TLN2: variants seen among roughly 807,000 people sequenced by gnomAD.
The protein encoded by TLN2 is talin 2, also known as talin-2.
A neutral mutation model predicts 294.7 loss-of-function variants in TLN2; 118 were observed. The ratio of observed to expected loss-of-function variants is 0.40; its 90% CI spans 0.34 to 0.47. The LOEUF (loss-of-function observed/expected upper bound fraction) is 0.47, where lower values mean the gene tolerates loss of function less well. TLN2 is among the 20% of genes least tolerant of loss of function. The pLI is 0.84. For missense variants in TLN2, 3,083 were observed against 3,282.2 expected (o/e 0.94, Z 1.48); for synonymous variants, 1,431 against 1,304.5 (o/e 1.10, Z -2.09).
chr15:62,401,315 G>A (rs1337973232), intron 1 of TLN2, among the ~76,000 whole-genome samples: 2 of 152,016 alleles, frequency 1.3e-5, no homozygotes, highest in African/African-American at 4.8e-5. Context: ...TTAGAGACAG[G>A]GTCTCGCTCT....
chr15:62,652,623 C>T (rs1007757051), intron 6 of TLN2, among the ~76,000 whole-genome samples: 1 of 152,160 alleles, frequency 6.6e-6, no homozygotes, highest in Admixed American at 6.5e-5. Flanking sequence ...CAAAGGAAGC[C>T]TAGTTCCTTC....
At chr15:62,549,475 G>GCTATGCATCCAT (rs1555427547) in intron 1 of TLN2, among the ~76,000 whole-genome samples, 1 of 125,212 alleles carries the variant, frequency 8.0e-6, no homozygotes, top group Admixed American at 8.6e-5. Flanking sequence ...TGCCATGCAT[G>GCTATGCATCCAT]CCATGCATCC....
At chr15:62,736,702 G>C (rs565144803) in intron 28 of TLN2, among the ~76,000 whole-genome samples, 176 bp from the exon 29 acceptor site, 2 of 152,326 alleles carry the variant, frequency 1.3e-5, no homozygotes, top group East Asian at 3.9e-4. Flanking sequence ...CCCAGAGCCA[G>C]GGGGATATGT....
At chr15:62,741,821 A>G (rs1337160674) in intron 32 of TLN2, among the ~76,000 whole-genome samples, 1 of 145,186 alleles carries the variant, frequency 6.9e-6, no homozygotes, top group East Asian at 2.1e-4. Context: ...GTCGGCATCA[A>G]GAGACCTGAA....
chr15:62,633,547 C>G (rs1391793232), intron 3 of TLN2, among the ~76,000 whole-genome samples: 1 of 152,216 alleles, frequency 6.6e-6, no homozygotes, highest in Admixed American at 6.5e-5. Context: ...TCAAGCAATC[C>G]TCCCACCCCA....
Position 62,686,649 on chromosome 15 carries a change from G to A in TLN2, c.966G>A (p.Met322Ile). The A allele has an allele frequency of 6.2e-7, 1 of 1,612,706 alleles. No individual in the cohort carries two copies. Among genetic ancestry groups the A allele is most frequent in the Non-Finnish European group, 8.5e-7 (1 of 1,179,368 alleles). Residue 322 changes from methionine to isoleucine, a missense_variant, in exon 12 of 59, where the codon ATG (methionine) becomes ATA (isoleucine). By Grantham distance (10) the Met-to-Ile change is conservative (BLOSUM62 1). Transcript: ENST00000636159. ...GVSFFLVKEK[M>I]KGKNKLVPRL... ...GGTATCTCCTGTTTCAGGAGAAGAT[G>A]AAAGGCAAGAACAAGCTGGTGCCTC...
At chr15:62,622,307 A>AGT (rs1038255369) in intron 3 of TLN2, among the ~76,000 whole-genome samples, 2 of 152,062 alleles carry the variant, frequency 1.3e-5, no homozygotes, top group African/African-American at 4.8e-5. Flanking sequence ...AAAGGGTGTG[A>AGT]GTGTGTGTGT....
intron 17 of TLN2, 99 bp downstream of exon 17, chr15:62,701,313 T>C: frequency 2.0e-6 from 2 of 1,013,278 alleles, no homozygotes; most frequent in Non-Finnish European, 2.9e-6. Context: ...ATTGAAACAA[T>C]AGACTTTATA....
At chr15:62,429,746 A>G (rs2034914395) in intron 1 of TLN2, among the ~76,000 whole-genome samples, 1 of 152,208 alleles carries the variant, frequency 6.6e-6, no homozygotes, top group Admixed American at 6.5e-5. Context: ...AGGCACACCA[A>G]TATCAGAAAT....
At chr15:62,525,958 A>G (rs1001427637) in intron 1 of TLN2, among the ~76,000 whole-genome samples, 10 of 152,290 alleles carry the variant, frequency 6.6e-5, no homozygotes, top group African/African-American at 2.2e-4. Context: ...AGCTGGAAGA[A>G]GGGTAGATTA....
chr15:62,557,691 G>A (rs1401971090), intron 1 of TLN2, among the ~76,000 whole-genome samples: 3 of 152,032 alleles, frequency 2.0e-5, no homozygotes, highest in Non-Finnish European at 4.4e-5. Context: ...ACAGGCACCC[G>A]CCACCACACC....
chr15:62,761,704 A>G lies in TLN2; in HGVS notation c.4662A>G (p.Glu1554=). The change falls in exon 38 of 59, where the codon GAA becomes GAG. Residue 1554 remains glutamate, a synonymous_variant. Transcript: ENST00000636159. ...TIKALDGDFS[E]DNRNKCRIAT... ...AGGCCCTGGATGGGGATTTCTCTGA[A>G]GACAACCGCAATAAGTGTCGCATCG... is the stretch of plus-strand genomic sequence containing the variant. The G allele has an allele frequency of 2.5e-6, 4 of 1,614,146 alleles. No homozygotes were observed. The Admixed American group carries it at 5.0e-5, about 20-fold the overall frequency.
At chr15:62,701,664 C>A (rs996001399) in intron 17 of TLN2, among the ~76,000 whole-genome samples, 1 of 152,224 alleles carries the variant, frequency 6.6e-6, no homozygotes, top group African/African-American at 2.4e-5. Context: ...TTGCTTGTTT[C>A]ACCCTGCAGC....
intron 2 of TLN2, among the ~76,000 whole-genome samples, chr15:62,591,907 C>A (rs1160316061): frequency 6.6e-6 from 1 of 152,066 alleles, no homozygotes; most frequent in Admixed American, 6.5e-5. Context: ...CCTTTGAGGA[C>A]CCCCAGAGGG....
intron 22 of TLN2, among the ~76,000 whole-genome samples, chr15:62,712,939 C>G (rs1247366145): frequency 6.6e-6 from 1 of 152,092 alleles, no homozygotes; most frequent in Admixed American, 6.5e-5. Flanking sequence ...TTCCTGCCCT[C>G]AAAATAATAT....
At chr15:62,802,438 A>T (rs1042440685) in intron 50 of TLN2, among the ~76,000 whole-genome samples, 1 of 148,852 alleles carries the variant, frequency 6.7e-6, no homozygotes, top group Non-Finnish European at 1.5e-5. Context: ...ACACACACAC[A>T]TATATATAAT....
chr15:62,784,718 G>T (rs1170645165), intron 45 of TLN2: 1 of 152,220 alleles, frequency 6.6e-6, no homozygotes, highest in Non-Finnish European at 1.5e-5. Context: ...GAAGATTAAT[G>T]GAGTGGATTA....
At chr15:62,607,438 A>T (rs538522611) in intron 2 of TLN2, among the ~76,000 whole-genome samples, 1 of 152,162 alleles carries the variant, frequency 6.6e-6, no homozygotes, top group Admixed American at 6.5e-5. Flanking sequence ...TCTTGACTCC[A>T]TCTCTCCTTT....
intron 45 of TLN2, 82 bp downstream of exon 45, chr15:62,783,972 C>T: frequency 6.9e-6 from 11 of 1,587,024 alleles, no homozygotes; most frequent in Non-Finnish European, 9.4e-6. Flanking sequence ...AGCTTAGCTC[C>T]ACTCTGGAAG....
Sources: gnomAD v4.1 joint callset for allele counts (sites outside exome capture counted in the v4.1 genomes callset) on GRCh38, gnomAD v4.1.1 for gene constraint, MANE v1.5 for transcripts, NCBI Gene and HGNC (gene_info 2026-07-23, HGNC 2026-07-21) for gene names.